Variants in ACVR1 observed in about 807,000 individuals in gnomAD.
ACVR1 encodes activin receptor type-1.
Under a neutral mutation model 57.1 loss-of-function variants are expected in ACVR1, and 38 were observed. That is an observed-to-expected ratio of 0.67 (90% CI 0.51 to 0.87). The LOEUF (loss-of-function observed/expected upper bound fraction) is 0.87. Among genes scored for constraint, ACVR1 ranks in the 40% least tolerant of loss-of-function variants. ACVR1 has a pLI of 0.00. For synonymous variants in ACVR1, 212 were observed against 228.1 expected (o/e 0.93, Z 0.63); for missense variants, 463 against 638.2 (o/e 0.73, Z 2.96).
At chr2:157,774,289 T>C in intron 5 of ACVR1, 102 bp from the exon 6 acceptor site, 1 of 890,452 alleles carries the variant, frequency 1.1e-6, no homozygotes, top group Non-Finnish European at 1.9e-6. Flanking sequence ...AGGGCAGCAA[T>C]CCGGGACACG....
intron 3 of ACVR1, among the ~76,000 whole-genome samples, chr2:157,793,831 T>C (rs889905616): frequency 6.6e-6 from 1 of 152,166 alleles, no homozygotes; most frequent in Non-Finnish European, 1.5e-5. Context: ...TTTGTAACCC[T>C]AACAAAAAGT....
chr2:157,837,667 C>T (rs1158771601), intron 1 of ACVR1, among the ~76,000 whole-genome samples: 4 of 152,112 alleles, frequency 2.6e-5, no homozygotes, highest in Non-Finnish European at 2.9e-5. Flanking sequence ...GCAACCCAGA[C>T]AAACAGGCTT....
In ACVR1 at chr2:157,737,470, T is replaced by G; in HGVS notation, c.*61A>C. 6.3e-7 allele frequency: 1 copy of G among 1,594,132 alleles called. No homozygotes were observed. Among genetic ancestry groups the G allele is most frequent in the African/African-American group, 1.3e-5 (1 of 74,540 alleles). ...ATTCTGACAACCAGTCAGGCCAGCATTAGGTCCCAGCTGGACAATGACAAC... is the reference window on the plus strand; with the variant it reads ...ATTCTGACAACCAGTCAGGCCAGCAGTAGGTCCCAGCTGGACAATGACAAC... On this transcript the variant is annotated 3_prime_UTR_variant, in exon 11 of 11. Coordinates refer to ENST00000434821, the MANE Select transcript of ACVR1 (RefSeq NM_001111067.4).
intron 1 of ACVR1, among the ~76,000 whole-genome samples, chr2:157,870,600 G>A (rs918991266): frequency 2.0e-5 from 3 of 152,214 alleles, no homozygotes; most frequent in South Asian, 4.1e-4. Flanking sequence ...TATGCAACAG[G>A]AAAAAGTCAA....
chr2:157,796,373 A>G (rs1306055400), intron 3 of ACVR1, among the ~76,000 whole-genome samples: 1 of 151,848 alleles, frequency 6.6e-6, no homozygotes, highest in Non-Finnish European at 1.5e-5. Context: ...GCAACACGGC[A>G]AAACTCTGTC....
At chr2:157,856,600 T>A (rs747561282) in intron 1 of ACVR1, among the ~76,000 whole-genome samples, 2 of 152,224 alleles carry the variant, frequency 1.3e-5, no homozygotes, top group Admixed American at 6.5e-5. Context: ...AAACATCATC[T>A]TTACTGGACT....
At chr2:157,741,495 T>G (rs1019286376) in intron 9 of ACVR1, among the ~76,000 whole-genome samples, 1 of 151,600 alleles carries the variant, frequency 6.6e-6, no homozygotes, top group Non-Finnish European at 1.5e-5. Flanking sequence ...TGTGGTGGTG[T>G]GTGCGTGTAG....
intron 1 of ACVR1, among the ~76,000 whole-genome samples, chr2:157,847,174 C>T (rs1689150007): frequency 6.6e-6 from 1 of 152,158 alleles, no homozygotes; most frequent in Non-Finnish European, 1.5e-5. Flanking sequence ...TATACACATG[C>T]ATATAAAACT....
At chr2:157,774,918 C>G (rs1686221828) in intron 5 of ACVR1, among the ~76,000 whole-genome samples, 1 of 152,066 alleles carries the variant, frequency 6.6e-6, no homozygotes, top group African/African-American at 2.4e-5. Flanking sequence ...ACTTCAAGAA[C>G]TGGGTATAAT....
intron 1 of ACVR1, among the ~76,000 whole-genome samples, chr2:157,871,733 GA>G (rs1232007744): frequency 5.3e-5 from 8 of 152,206 alleles, no homozygotes; most frequent in Admixed American, 4.6e-4. Flanking sequence ...GAACTGCCTA[GA>G]AGCGCACAGG....
At chr2:157,857,623 G>A (rs1689580942) in intron 1 of ACVR1, among the ~76,000 whole-genome samples, 1 of 152,212 alleles carries the variant, frequency 6.6e-6, no homozygotes, top group Non-Finnish European at 1.5e-5. Flanking sequence ...AGAGGATCAT[G>A]TAAAATGCAG....
intron 2 of ACVR1, among the ~76,000 whole-genome samples, chr2:157,814,446 T>G (rs533945269): frequency 5.9e-4 from 90 of 152,328 alleles, no homozygotes; most frequent in African/African-American, 2.0e-3. Context: ...ACCTATTGCT[T>G]TGGCAAATAA....
At chr2:157,760,801 A>G (rs1054478920) in intron 9 of ACVR1, 79 bp downstream of exon 9, 22 of 1,353,160 alleles carry the variant, frequency 1.6e-5, no homozygotes, top group Non-Finnish European at 2.3e-5. Flanking sequence ...GAATTTCAAT[A>G]GTCCCTTCAG....
chr2:157,750,348 A>G (rs187527244), intron 9 of ACVR1, among the ~76,000 whole-genome samples: 3 of 152,360 alleles, frequency 2.0e-5, no homozygotes, highest in Admixed American at 6.5e-5. Context: ...CACATATGCC[A>G]TCCAGGAGCA....
chr2:157,871,213 A>C (rs1690103705), intron 1 of ACVR1, among the ~76,000 whole-genome samples: 1 of 152,246 alleles, frequency 6.6e-6, no homozygotes, highest in Admixed American at 6.5e-5. Flanking sequence ...GATCAATCAC[A>C]TCCCAGAATA....
intron 3 of ACVR1, among the ~76,000 whole-genome samples, chr2:157,789,127 C>A (rs1309041333): frequency 6.6e-6 from 1 of 152,222 alleles, no homozygotes; most frequent in Non-Finnish European, 1.5e-5. Context: ...CTTACAGTCA[C>A]AATGAGACAG....
intron 6 of ACVR1, among the ~76,000 whole-genome samples, chr2:157,771,843 T>C (rs1345740538): frequency 6.6e-6 from 1 of 152,290 alleles, no homozygotes; most frequent in African/African-American, 2.4e-5. Flanking sequence ...ACAAATATAA[T>C]TTAGTACACG....
intron 1 of ACVR1, among the ~76,000 whole-genome samples, chr2:157,851,056 G>T (rs1559093556): frequency 6.6e-6 from 1 of 152,154 alleles, no homozygotes; most frequent in Non-Finnish European, 1.5e-5. Context: ...GATCTGTTAA[G>T]TTACTACATT....
intron 8 of ACVR1, among the ~76,000 whole-genome samples, chr2:157,765,085 A>AT (rs1685811617): frequency 6.6e-6 from 1 of 152,180 alleles, no homozygotes; most frequent in African/African-American, 2.4e-5. Flanking sequence ...CTGAATTCTC[A>AT]TTAGCACAAT....
Sources: gnomAD v4.1 joint callset for allele counts (sites outside exome capture counted in the v4.1 genomes callset) on GRCh38, gnomAD v4.1.1 for gene constraint, MANE v1.5 for transcripts, NCBI Gene and HGNC (gene_info 2026-07-23, HGNC 2026-07-21) for gene names.